A1CF: variants seen among roughly 807,000 people sequenced by gnomAD.
A1CF encodes APOBEC1 complementation factor.
Under a neutral mutation model 68.9 loss-of-function variants are expected in A1CF, and 48 were observed. That is an observed-to-expected ratio of 0.70 (90% CI 0.55 to 0.89). A1CF has a LOEUF of 0.89. Among genes scored for constraint, A1CF ranks in the 40% least tolerant of loss-of-function variants. A1CF has a pLI of 0.00. For missense variants in A1CF, 653 were observed against 718.9 expected (o/e 0.91, Z 1.05); for synonymous variants, 272 against 260.4 (o/e 1.04, Z -0.43).
rs1443536807 is a variant in A1CF at position 50,828,263 on chromosome 10, C to G, written c.637G>C (p.Val213Leu). The change falls in exon 7 of 13, where the codon GTA becomes CTA. Residue 213 changes from valine (V) to leucine (L), a missense_variant. Physicochemically the swap from Val to Leu is conservative, Grantham distance 32 (BLOSUM62 1). Coordinates refer to ENST00000373997, the MANE Select transcript of A1CF (RefSeq NM_014576.4). The part of the protein sequence containing the change: ...RIQLWGHGIA[V>L]DWAEPEVEVD... ...TCTACTTCTGGCTCTGCCCAGTCTA[C>G]TGCAATACCATGTCCCCATAACTGA... 1 of 1,597,482 alleles carries G rather than the reference C, an allele frequency of 6.3e-7. No individual in the cohort carries two copies.
chr10:50,825,993 A>G (rs1484092253), intron 7 of A1CF, among the ~76,000 whole-genome samples: 1 of 152,126 alleles, frequency 6.6e-6, no homozygotes, highest in African/African-American at 2.4e-5. Flanking sequence ...AACATCCTAC[A>G]ATCCACTGGA....
At chr10:50,852,248 A>G (rs1461328313) in intron 3 of A1CF, among the ~76,000 whole-genome samples, 1 of 152,216 alleles carries the variant, frequency 6.6e-6, no homozygotes, top group Non-Finnish European at 1.5e-5. Flanking sequence ...TCAACACCCT[A>G]TGAGGCTATT....
chr10:50,838,149 G>A (rs966647913), intron 5 of A1CF, among the ~76,000 whole-genome samples: 5 of 152,176 alleles, frequency 3.3e-5, no homozygotes, highest in African/African-American at 9.7e-5. Context: ...TCTCAGCCAG[G>A]TGAGTGGGCG....
intron 2 of A1CF, among the ~76,000 whole-genome samples, chr10:50,862,604 C>T (rs1396522782): frequency 1.3e-5 from 2 of 152,054 alleles, no homozygotes; most frequent in Non-Finnish European, 2.9e-5. Flanking sequence ...CTATTTCTAC[C>T]CTCTGTCCAG....
rs902984513 is a variant in A1CF at position 50,806,191 on chromosome 10, T to C, written c.*538A>G. The C allele has an allele frequency of 3.3e-5, 5 of 152,238 alleles. No homozygotes were observed. Among genetic ancestry groups the C allele is most frequent in the Admixed American group, 2.6e-4 (4 of 15,284 alleles). 9.4% of individuals were successfully genotyped at this position (152,238 alleles called of 1,614,324 possible). On this transcript the variant is annotated 3_prime_UTR_variant, in exon 13 of 13. Coordinates refer to ENST00000373997, the MANE Select transcript of A1CF (RefSeq NM_014576.4). ...GAAGAGAGGTTGAAACCACAAAATC[T>C]TGGACAGTCTTTCATGAGCTCAGGC...
intron 8 of A1CF, among the ~76,000 whole-genome samples, chr10:50,819,377 C>T (rs960473280): frequency 6.6e-6 from 1 of 152,144 alleles, no homozygotes; most frequent in Non-Finnish European, 1.5e-5. Context: ...TCTACCTCAG[C>T]CTCCCAAAGT....
chr10:50,876,978 C>A (rs1333345830), intron 1 of A1CF, among the ~76,000 whole-genome samples: 1 of 152,084 alleles, frequency 6.6e-6, no homozygotes, highest in Non-Finnish European at 1.5e-5. Flanking sequence ...GTTCTAGTAC[C>A]TGTAAGATCA....
chr10:50,827,367 G>C (rs1839000351), intron 7 of A1CF, among the ~76,000 whole-genome samples: 1 of 152,054 alleles, frequency 6.6e-6, no homozygotes, highest in African/African-American at 2.4e-5. Context: ...TTCCAAAATT[G>C]ACCACATAGT....
At chr10:50,876,234 C>A (rs1216951328) in intron 1 of A1CF, among the ~76,000 whole-genome samples, 2 of 152,176 alleles carry the variant, frequency 1.3e-5, no homozygotes, top group Non-Finnish European at 2.9e-5. Flanking sequence ...ACACACAGGG[C>A]CGAATAAATT....
At chr10:50,817,307 A>G (rs920166257) in intron 8 of A1CF, among the ~76,000 whole-genome samples, 4 of 152,192 alleles carry the variant, frequency 2.6e-5, no homozygotes, top group Admixed American at 2.0e-4. Flanking sequence ...AAGTGTTTCT[A>G]CAGAAATTCC....
intron 3 of A1CF, among the ~76,000 whole-genome samples, chr10:50,848,180 C>T (rs1202432041): frequency 6.6e-6 from 1 of 152,122 alleles, no homozygotes; most frequent in Admixed American, 6.6e-5. Flanking sequence ...TTCATACAAG[C>T]AGTAAACAGC....
chr10:50,828,100 T>C (rs778253667), intron 7 of A1CF, 31 bp downstream of exon 7: 5 of 1,486,036 alleles, frequency 3.4e-6, no homozygotes, highest in Non-Finnish European at 4.5e-6. Context: ...AAAGAATGTT[T>C]TGAAAAACTA....
At chr10:50,819,611 C>T (rs924136234) in intron 8 of A1CF, among the ~76,000 whole-genome samples, 1 of 152,104 alleles carries the variant, frequency 6.6e-6, no homozygotes, top group Non-Finnish European at 1.5e-5. Flanking sequence ...CTTTTGGGAC[C>T]CTGACCGATG....
chr10:50,826,770 T>C (rs897064501), intron 7 of A1CF, among the ~76,000 whole-genome samples: 11 of 152,116 alleles, frequency 7.2e-5, no homozygotes, highest in African/African-American at 1.4e-4. Flanking sequence ...GGATCAAATT[T>C]ACACATAACA....
intron 1 of A1CF, among the ~76,000 whole-genome samples, chr10:50,867,450 T>A (rs1384583637): frequency 6.6e-6 from 1 of 152,178 alleles, no homozygotes; most frequent in Non-Finnish European, 1.5e-5. Flanking sequence ...GAAAAACAAA[T>A]CTGTTCTCAT....
chr10:50,867,519 A>G (rs1233240210), intron 1 of A1CF, among the ~76,000 whole-genome samples: 1 of 152,164 alleles, frequency 6.6e-6, no homozygotes, highest in Admixed American at 6.5e-5. Context: ...ATGATAGACA[A>G]TGGAGATTTG....
chr10:50,856,509 G>C (rs10821888), intron 3 of A1CF, among the ~76,000 whole-genome samples: 1 of 151,794 alleles, frequency 6.6e-6, no homozygotes, highest in Non-Finnish European at 1.5e-5. Context: ...ACAAAGTTTA[G>C]GTTCCAAAAA....
chr10:50,884,352 TA>T (rs2132645622), intron 1 of A1CF, among the ~76,000 whole-genome samples: 1 of 152,352 alleles, frequency 6.6e-6, no homozygotes, highest in East Asian at 1.9e-4. Context: ...AATAGAACAG[TA>T]AAATGTTAAG....
chr10:50,837,030 T>C (rs1839534232), intron 5 of A1CF, among the ~76,000 whole-genome samples: 1 of 152,110 alleles, frequency 6.6e-6, no homozygotes, highest in South Asian at 2.1e-4. Context: ...TCGCTTGAGT[T>C]TGCAACACCT....
Sources: gnomAD v4.1 joint callset for allele counts (sites outside exome capture counted in the v4.1 genomes callset) on GRCh38, gnomAD v4.1.1 for gene constraint, MANE v1.5 for transcripts, NCBI Gene and HGNC (gene_info 2026-07-23, HGNC 2026-07-21) for gene names.